Variants in CADPS observed in about 807,000 individuals in gnomAD.
CADPS encodes calcium-dependent secretion activator 1.
CADPS carries 57 observed loss-of-function variants against 167.3 expected under a neutral mutation model. The observed-to-expected ratio is 0.34, with a 90% CI of 0.28 to 0.42. The LOEUF is 0.42. Ranked by LOEUF, CADPS falls within the 20% of genes least tolerant of loss-of-function variation. The pLI is 1.00. For synonymous variants in CADPS, 676 were observed against 635.3 expected (o/e 1.06, Z -0.96); for missense variants, 1,414 against 1,738.1 (o/e 0.81, Z 3.32).
chr3:62,467,285 A>G, intron 24 of CADPS: 1 of 1,245,528 alleles, frequency 8.0e-7, no homozygotes, highest in Non-Finnish European at 1.0e-6. Flanking sequence ...TTTGAAAAGG[A>G]AAATGCACTT....
At chr3:62,429,656 T>G (rs1462072489) in intron 28 of CADPS, among the ~76,000 whole-genome samples, 1 of 151,904 alleles carries the variant, frequency 6.6e-6, no homozygotes, top group East Asian at 1.9e-4. Context: ...TGTACATGTG[T>G]ACTGTGTTTG....
chr3:62,820,446 T>A (rs966896110), intron 1 of CADPS, among the ~76,000 whole-genome samples: 9 of 152,128 alleles, frequency 5.9e-5, no homozygotes, highest in African/African-American at 1.9e-4. Context: ...TACTCTGGGG[T>A]TTTCTCCCTC....
At chr3:62,448,607 A>G (rs2150019783) in intron 26 of CADPS, among the ~76,000 whole-genome samples, 1 of 147,526 alleles carries the variant, frequency 6.8e-6, no homozygotes, top group Non-Finnish European at 1.5e-5. Context: ...TTGGTTCGGG[A>G]TATTGAACTT....
At chr3:62,812,629 T>C (rs999658098) in intron 1 of CADPS, among the ~76,000 whole-genome samples, 2 of 152,322 alleles carry the variant, frequency 1.3e-5, no homozygotes, top group South Asian at 2.1e-4. Flanking sequence ...GCTGTCTAGA[T>C]AGTTCTACAG....
At chr3:62,470,758 A>G (rs1388477866) in intron 24 of CADPS, 1 of 152,226 alleles carries the variant, frequency 6.6e-6, no homozygotes, top group African/African-American at 2.4e-5. Context: ...AAAAACCAAC[A>G]GTCTTACAAT....
At chr3:62,683,619 A>G (rs1487434853) in intron 3 of CADPS, among the ~76,000 whole-genome samples, 1 of 152,012 alleles carries the variant, frequency 6.6e-6, no homozygotes, top group Non-Finnish European at 1.5e-5. Flanking sequence ...TTATTAACTA[A>G]AGTTCTTAAT....
chr3:62,567,494 C>T (rs1435079381), intron 9 of CADPS, among the ~76,000 whole-genome samples: 2 of 147,998 alleles, frequency 1.4e-5, no homozygotes, highest in Non-Finnish European at 3.0e-5. Context: ...CAAGTGATTC[C>T]AAGAGAGACT....
intron 8 of CADPS, among the ~76,000 whole-genome samples, chr3:62,578,165 A>G (rs1395227241): frequency 3.4e-5 from 5 of 147,342 alleles, no homozygotes; most frequent in Non-Finnish European, 5.9e-5. Flanking sequence ...AGATAGAAAA[A>G]AAAAGATTTA....
chr3:62,694,601 A>C lies in CADPS; in HGVS notation c.889-32207T>G, dbSNP rs544945386. Among the ~76,000 whole-genome samples the C allele has an allele frequency of 2.6e-5, 4 of 152,192 alleles. No homozygotes were observed. The East Asian group carries it at 7.7e-4, about 29-fold the overall frequency. On this transcript the variant is annotated intron_variant, in intron 3 of 29. Transcript: ENST00000383710. ...AAATGAATTTGCCTTCTTGGTGTAC[A>C]ATGCTTCTACCAGCACTACCTTATG...
chr3:62,714,708 C>G (rs954448327), intron 3 of CADPS, among the ~76,000 whole-genome samples: 1 of 152,046 alleles, frequency 6.6e-6, no homozygotes, highest in African/African-American at 2.4e-5. Flanking sequence ...GGTTAGACTC[C>G]TAAAGAAAAG....
chr3:62,577,794 A>G (rs2082582613), intron 8 of CADPS, among the ~76,000 whole-genome samples: 1 of 152,232 alleles, frequency 6.6e-6, no homozygotes, highest in Non-Finnish European at 1.5e-5. Flanking sequence ...ACTTGCCTAC[A>G]GCTAGTAAGT....
intron 1 of CADPS, among the ~76,000 whole-genome samples, chr3:62,808,626 C>A (rs2094233018): frequency 6.6e-6 from 1 of 152,126 alleles, no homozygotes; most frequent in Admixed American, 6.6e-5. Context: ...TATTCCTCCT[C>A]CTCTGTTTGA....
chr3:62,782,623 A>T (rs922459419), intron 1 of CADPS, among the ~76,000 whole-genome samples: 1 of 152,200 alleles, frequency 6.6e-6, no homozygotes, highest in Non-Finnish European at 1.5e-5. Flanking sequence ...CTCTAAAAAG[A>T]TGTACAGCAT....
intron 9 of CADPS, among the ~76,000 whole-genome samples, chr3:62,562,139 G>A (rs2079277311): frequency 6.6e-6 from 1 of 152,166 alleles, no homozygotes. Flanking sequence ...ATGGGTGGTT[G>A]GGCAAGGAAT....
intron 3 of CADPS, among the ~76,000 whole-genome samples, chr3:62,683,968 C>T (rs1250242259): frequency 6.6e-6 from 1 of 152,002 alleles, no homozygotes; most frequent in African/African-American, 2.4e-5. Context: ...ACCTGATCAC[C>T]TGGCTAAGGC....
At chr3:62,559,644 G>C (rs567748026) in intron 9 of CADPS, among the ~76,000 whole-genome samples, 1 of 152,126 alleles carries the variant, frequency 6.6e-6, no homozygotes, top group Non-Finnish European at 1.5e-5. Context: ...ACAGGCATGC[G>C]CCACCATGTC....
chr3:62,510,933 T>C (rs931435152), intron 17 of CADPS, among the ~76,000 whole-genome samples: 20 of 152,326 alleles, frequency 1.3e-4, no homozygotes, highest in African/African-American at 4.6e-4. Context: ...AAAGCTTCAC[T>C]ATACCAAGCT....
chr3:62,795,956 C>T (rs757726652), intron 1 of CADPS, among the ~76,000 whole-genome samples: 12 of 152,254 alleles, frequency 7.9e-5, no homozygotes, highest in Admixed American at 3.3e-4. Flanking sequence ...GGACACTCTA[C>T]ATGATTAAAT....
chr3:62,678,913 T>C (rs773263499), intron 3 of CADPS, among the ~76,000 whole-genome samples: 12 of 151,908 alleles, frequency 7.9e-5, no homozygotes, highest in Non-Finnish European at 1.5e-4. Context: ...TCACCAGTTG[T>C]ATATGAGAAG....
Sources: allele counts gnomAD v4.1 joint callset (sites outside exome capture counted in the v4.1 genomes callset), GRCh38; gene constraint gnomAD v4.1.1; transcripts MANE v1.5; gene names NCBI Gene and HGNC (gene_info 2026-07-23, HGNC 2026-07-21).